The following FYCO1 variants were observed in gnomAD, a reference collection of about 807,000 sequenced individuals.
The protein encoded by FYCO1 is FYVE and coiled-coil domain-containing protein 1.
In FYCO1, 122 loss-of-function variants were observed where a neutral mutation model predicts 165.1. The ratio of observed to expected loss-of-function variants is 0.74; its 90% confidence interval spans 0.64 to 0.86. The LOEUF is 0.86. Among genes scored for constraint, FYCO1 ranks in the 40% least tolerant of loss-of-function variants. The probability of loss-of-function intolerance (pLI) is 0.00; values close to 1 mark genes in which losing one functional copy is unlikely to be tolerated. For missense variants in FYCO1, 1,702 were observed against 1,810.3 expected (o/e 0.94, Z 1.09); for synonymous variants, 648 against 742.5 (o/e 0.87, Z 2.07).
chr3:45,973,496 C>T (rs1329651485), intron 5 of FYCO1, among the ~76,000 whole-genome samples: 1 of 152,076 alleles, frequency 6.6e-6, no homozygotes, highest in Admixed American at 6.6e-5. Flanking sequence ...ATATGGGAAA[C>T]CTTAAACATC....
intron 14 of FYCO1, among the ~76,000 whole-genome samples, chr3:45,938,833 C>T (rs1258883396): frequency 6.6e-6 from 1 of 152,196 alleles, no homozygotes; most frequent in African/African-American, 2.4e-5. Flanking sequence ...CACATGCAAA[C>T]TAGGTAGCCG....
chr3:45,992,457 C>A (rs962332723), intron 1 of FYCO1, among the ~76,000 whole-genome samples: 3 of 152,140 alleles, frequency 2.0e-5, no homozygotes, highest in African/African-American at 7.2e-5. Flanking sequence ...AAATGGGACC[C>A]TATTTAGATT....
chr3:45,980,346 T>C (rs1237057453), intron 3 of FYCO1, among the ~76,000 whole-genome samples: 1 of 115,354 alleles, frequency 8.7e-6, no homozygotes, highest in Admixed American at 1.1e-4. Context: ...TGAAACTCTG[T>C]CTCAAAGAAA....
intron 12 of FYCO1, 54 bp downstream of exon 12, chr3:45,959,339 C>T: frequency 6.2e-7 from 1 of 1,602,382 alleles, no homozygotes; most frequent in Non-Finnish European, 8.5e-7. Flanking sequence ...GCTGTCTGCT[C>T]TGGTCCTGGG....
At chr3:45,989,163 C>G (rs1270427807) in intron 1 of FYCO1, among the ~76,000 whole-genome samples, 1 of 152,086 alleles carries the variant, frequency 6.6e-6, no homozygotes, top group Non-Finnish European at 1.5e-5. Flanking sequence ...AAGGGCTGAC[C>G]CAGAGAGGAC....
chr3:45,963,923 T>C (rs1705843358), intron 10 of FYCO1, among the ~76,000 whole-genome samples: 2 of 152,198 alleles, frequency 1.3e-5, no homozygotes, highest in Non-Finnish European at 1.5e-5. Context: ...ACCTTCCTCA[T>C]AGGACTGTTA....
chr3:45,931,150 A>G lies in FYCO1; in HGVS notation c.4172T>C (p.Val1391Ala), dbSNP rs1575329129. Residue 1391 changes from valine to alanine, a missense_variant, in exon 16 of 18, where the codon GTC (valine) becomes GCC (alanine). Transcript: ENST00000296137. ...VAEAGLTISW[V>A]FSSDPKSISF... ...GATGCTCTTGGGGTCAGAGGAGAAG[A>G]CCCAGCTGATGGTGAGGCCTGCCTC... 1 of 1,613,936 alleles carries G rather than the reference A, an allele frequency of 6.2e-7. No homozygotes were observed. The highest frequency in any genetic ancestry group is 1.3e-5 in the African/African-American group (1 of 74,928).
In FYCO1 at chr3:45,931,536, T is replaced by A. The variant is rs1316015805; in HGVS notation, c.4041-255A>T. 2.6e-5 allele frequency among the ~76,000 whole-genome samples: 4 copies of A among 152,188 alleles called. No homozygotes were observed. The South Asian group carries it at 8.3e-4, about 32-fold the overall frequency. On this transcript the variant is annotated intron_variant, in intron 15 of 17. Transcript: ENST00000296137. Reference sequence around the variant, plus strand: ...GCAGTAAAAAATACAGATGACACCTTTGCCTGTGTGGAGGTTAAAGCCCAT... The same window carrying A: ...GCAGTAAAAAATACAGATGACACCTATGCCTGTGTGGAGGTTAAAGCCCAT...
At position 45,923,748 on chromosome 3, in the gene FYCO1, G is replaced by A. The variant is rs770684621; in HGVS notation, c.4269C>T (p.Thr1423=). 6.2e-7 allele frequency: 1 copy of A among 1,614,006 alleles called. No homozygotes were observed. Among genetic ancestry groups the A allele is most frequent in the Non-Finnish European group, 8.5e-7 (1 of 1,179,884 alleles). Residue 1423 remains threonine (T), a synonymous_variant, in exon 17 of 18, where the codon ACC becomes ACT. Transcript: ENST00000296137. ...TGTTCTCCTTGTGGGAGTTGCATCG[G>A]GTCGTGGGAATGAGGACCTGGGAGG... The part of the protein sequence containing the change: ...LDQCKVLIPT[T]RCNSHKENIQ...
At position 45,966,777 on chromosome 3, in the gene FYCO1, C is replaced by G. The variant is rs1706050234; in HGVS notation, c.2557G>C (p.Gly853Arg). 4 of 1,609,920 alleles carry G rather than the reference C, an allele frequency of 2.5e-6. No individual in the cohort carries two copies. Among genetic ancestry groups the G allele is most frequent in the Non-Finnish European group, 3.4e-6 (4 of 1,179,990 alleles). The change falls in exon 8 of 18, where the codon GGG (glycine) becomes CGG (arginine). Residue 853 changes from glycine (G) to arginine (R), a missense_variant. Coordinates refer to ENST00000296137, the MANE Select transcript of FYCO1 (RefSeq NM_024513.4). ...QELLQCSERE[G>R]ALQEERADEA... ...TCGGCCCTCTCCTCCTGCAGTGCCC[C>G]TTCACGCTCCGAGCATTGCAGCAGC...
At chr3:45,933,889 G>A (rs1025862797) in intron 15 of FYCO1, among the ~76,000 whole-genome samples, 3 of 152,074 alleles carry the variant, frequency 2.0e-5, no homozygotes, top group African/African-American at 7.2e-5. Flanking sequence ...AATTTTAAAT[G>A]TTCTTGAAAC....
At chr3:45,985,164 G>T (rs908297907) in intron 1 of FYCO1, 142 bp from the exon 2 acceptor site, 4 of 601,312 alleles carry the variant, frequency 6.7e-6, no homozygotes, top group Non-Finnish European at 1.2e-5. Flanking sequence ...TTCTGTGTGG[G>T]CCTTGTTCTG....
In FYCO1 at chr3:45,967,516, T is replaced by C; in HGVS notation, c.1818A>G (p.Gln606=). The change falls in exon 8 of 18, where the codon CAA becomes CAG. Residue 606 remains glutamine, a synonymous_variant. Coordinates refer to ENST00000296137, the MANE Select transcript of FYCO1 (RefSeq NM_024513.4). ...GGAGCTCTTCCTCCTGGCTGCCCTC[T>C]TGCACCTTGGTATCGTCTAACTGTG... ...QEAQLDDTKV[Q]EGSQEEELRQ... is the part of the protein sequence containing the mutation. The C allele has an allele frequency of 6.2e-7, 1 of 1,613,816 alleles. No homozygotes were observed. The highest frequency in any genetic ancestry group is 8.5e-7 in the Non-Finnish European group (1 of 1,179,992).
At chr3:45,923,888 A>AGAGCCG in intron 16 of FYCO1, 123 bp from the exon 17 acceptor site, 1 of 736,348 alleles carries the variant, frequency 1.4e-6, no homozygotes, top group East Asian at 2.6e-5. Context: ...ACAGATGAGC[A>AGAGCCG]GAGCCGGAGC....
intron 16 of FYCO1, among the ~76,000 whole-genome samples, chr3:45,930,619 G>A (rs930076470): frequency 1.4e-4 from 21 of 152,118 alleles, no homozygotes; most frequent in African/African-American, 4.3e-4. Flanking sequence ...TTTCAAGCTC[G>A]ACCACCCAAG....
chr3:45,962,155 A>G lies in FYCO1; in HGVS notation c.3437+70T>C. ...ATTTCTGAAGTATGCTTTCAAGAACAGCTGCATTTCTTTAGAGAAAAACCC... is the reference window on the plus strand; with the variant it reads ...ATTTCTGAAGTATGCTTTCAAGAACGGCTGCATTTCTTTAGAGAAAAACCC... On this transcript the variant is annotated intron_variant, in intron 11 of 17. Coordinates refer to ENST00000296137, the MANE Select transcript of FYCO1 (RefSeq NM_024513.4). This position sits in a 1 kb window ranked among gnomAD's most constrained non-coding sequence, Gnocchi z 4.4. 6.6e-7 allele frequency: 1 copy of G among 1,511,692 alleles called. No homozygotes were observed. Among genetic ancestry groups the G allele is most frequent in the Non-Finnish European group, 9.2e-7 (1 of 1,087,148 alleles). The allele number at this position is 1,511,692 out of a possible 1,614,324, so 93.6% of individuals were successfully genotyped here.
At chr3:45,929,478 G>A (rs542624897) in intron 16 of FYCO1, among the ~76,000 whole-genome samples, 1 of 152,316 alleles carries the variant, frequency 6.6e-6, no homozygotes, top group Non-Finnish European at 1.5e-5. Context: ...AAACACTCAC[G>A]GTGTCTGATC....
intron 15 of FYCO1, 152 bp from the exon 16 acceptor site, chr3:45,931,433 G>A: frequency 1.4e-6 from 1 of 717,766 alleles, no homozygotes. Flanking sequence ...CTTAATTATG[G>A]GATGGGCAGC....
intron 4 of FYCO1, among the ~76,000 whole-genome samples, chr3:45,976,202 C>T (rs1047148354): frequency 2.0e-5 from 3 of 152,162 alleles, no homozygotes; most frequent in Non-Finnish European, 4.4e-5. Flanking sequence ...CCCCACAGAG[C>T]TTATACCTAA....
Sources: allele counts gnomAD v4.1 joint callset (sites outside exome capture counted in the v4.1 genomes callset), GRCh38; gene constraint gnomAD v4.1.1; non-coding constraint Gnocchi (gnomAD v3.1); transcripts MANE v1.5; gene names NCBI Gene and HGNC (gene_info 2026-07-23, HGNC 2026-07-21).